Variants in GPBP1L1 observed in about 807,000 individuals in gnomAD.
The protein encoded by GPBP1L1 is vasculin-like protein 1.
GPBP1L1 carries 23 observed loss-of-function variants against 52.5 expected under a neutral mutation model. The observed-to-expected ratio is 0.44, with a 90% CI of 0.32 to 0.62. The LOEUF (loss-of-function observed/expected upper bound fraction) is 0.62, where lower values mean the gene tolerates loss of function less well. GPBP1L1 is among the 20% of genes least tolerant of loss of function. The pLI is 0.06. For synonymous variants in GPBP1L1, 243 were observed against 203.1 expected, an observed-to-expected ratio of 1.20 and a Z score of -1.67; for missense variants, 596 against 579.3, an observed-to-expected ratio of 1.03 and a Z score of -0.30.
chr1:45,654,023 A>G (rs768634615), intron 6 of GPBP1L1, among the ~76,000 whole-genome samples: 7 of 152,130 alleles, frequency 4.6e-5, no homozygotes, highest in Non-Finnish European at 7.3e-5. Context: ...TAAATAAAAT[A>G]TATTTAAAAC....
At chr1:45,645,017 GTTA>G (rs1557701651) in intron 6 of GPBP1L1, among the ~76,000 whole-genome samples, 3 of 152,200 alleles carry the variant, frequency 2.0e-5, no homozygotes, top group Admixed American at 1.3e-4. Flanking sequence ...AACCCTCGTC[GTTA>G]TTATTATTAA....
At chr1:45,680,602 T>C (rs981022419) in intron 2 of GPBP1L1, among the ~76,000 whole-genome samples, 1 of 152,246 alleles carries the variant, frequency 6.6e-6, no homozygotes, top group East Asian at 1.9e-4. Context: ...TCTTCTTAGA[T>C]GAGCTTCACT....
intron 5 of GPBP1L1, 28 bp from the exon 6 acceptor site, chr1:45,654,857 A>G (rs1644865289): frequency 6.3e-7 from 1 of 1,595,660 alleles, no homozygotes; most frequent in Non-Finnish European, 8.5e-7. Context: ...AGGACTAATT[A>G]GATTGTTTGC....
chr1:45,660,327 G>A lies in GPBP1L1; in HGVS notation c.-199C>T. 1 of 985,086 alleles carries A rather than the reference G, an allele frequency of 1.0e-6. No individual in the cohort carries two copies. The highest frequency in any genetic ancestry group is 1.1e-4 in the East Asian group (1 of 8,814). 61.0% of individuals were successfully genotyped at this position (985,086 alleles called of 1,614,324 possible). On this transcript the variant is annotated 5_prime_UTR_variant, in exon 3 of 13. Coordinates refer to ENST00000355105, the MANE Select transcript of GPBP1L1 (RefSeq NM_021639.5). Reference sequence around the variant, plus strand: ...GAAGCACGAAGAAGCCAGGTTCTGTGTCGATCACTCTCTCAGTCCCCTCAA... The same window carrying A: ...GAAGCACGAAGAAGCCAGGTTCTGTATCGATCACTCTCTCAGTCCCCTCAA...
chr1:45,662,871 T>A (rs1257058637), intron 2 of GPBP1L1, among the ~76,000 whole-genome samples: 2 of 151,678 alleles, frequency 1.3e-5, no homozygotes, highest in Non-Finnish European at 1.5e-5. Flanking sequence ...GCCAACATGG[T>A]GAAACCCCGT....
intron 6 of GPBP1L1, 99 bp from the exon 7 acceptor site, chr1:45,642,598 T>C: frequency 1.3e-6 from 1 of 796,668 alleles, no homozygotes; most frequent in Non-Finnish European, 2.2e-6. Flanking sequence ...AATAATTACA[T>C]ATTTTACATA....
chr1:45,634,128 C>G lies in GPBP1L1; in HGVS notation c.853G>C (p.Ala285Pro). 6.2e-7 allele frequency: 1 copy of G among 1,613,854 alleles called. No individual in the cohort carries two copies. The highest frequency in any genetic ancestry group is 8.5e-7 in the Non-Finnish European group (1 of 1,179,774). The change falls in exon 9 of 13, where the codon GCT becomes CCT. Residue 285 changes from alanine to proline, a missense_variant. Physicochemically the swap from Ala to Pro is conservative, Grantham distance 27 (BLOSUM62 -1). Coordinates refer to ENST00000355105, the MANE Select transcript of GPBP1L1 (RefSeq NM_021639.5). ...PISVTKPVVL[A>P]SGAALSSPKE... is the part of the protein sequence containing the mutation. The stretch of plus-strand genomic sequence containing the variant: ...GGAGAACTCAGAGCTGCACCACTAG[C>G]CAGTACCACTGGTTTGGTAACAGAG...
In GPBP1L1 at chr1:45,654,759, A is replaced by G. The variant is rs1335402168; in HGVS notation, c.261T>C (p.Ala87=). 2.5e-6 allele frequency: 4 copies of G among 1,614,150 alleles called. No individual in the cohort carries two copies. Among genetic ancestry groups the G allele is most frequent in the Non-Finnish European group, 3.4e-6 (4 of 1,180,026 alleles). The change falls in exon 6 of 13, where the codon GCT becomes GCC. Residue 87 remains alanine (A), a synonymous_variant. Transcript: ENST00000355105. ...AACCAGATGGGTTCCCTGTGATTCC[A>G]GCATATGCTCCCTTAGAGACACCAG... The part of the protein sequence containing the change: ...VDSGVSKGAY[A]GITGNPSGWH...
At chr1:45,687,396 G>A (rs1377523428), upstream of GPBP1L1, 1 of 152,306 alleles carries the variant, frequency 6.6e-6, no homozygotes, top group Non-Finnish European at 1.5e-5. Context: ...ATCCGGCACG[G>A]AAAGCTAAAC....
At chr1:45,652,912 T>C (rs1255547401) in intron 6 of GPBP1L1, among the ~76,000 whole-genome samples, 1 of 152,224 alleles carries the variant, frequency 6.6e-6, no homozygotes, top group Non-Finnish European at 1.5e-5. Flanking sequence ...CCACTGGTCT[T>C]TCTTGGATTT....
chr1:45,638,579 C>A (rs1644627059), intron 8 of GPBP1L1, among the ~76,000 whole-genome samples: 1 of 152,158 alleles, frequency 6.6e-6, no homozygotes, highest in Non-Finnish European at 1.5e-5. Flanking sequence ...CTTCCATCCT[C>A]TTCTCTTGTA....
chr1:45,645,132 A>AT (rs1644727265), intron 6 of GPBP1L1, among the ~76,000 whole-genome samples: 1 of 152,152 alleles, frequency 6.6e-6, no homozygotes, highest in African/African-American at 2.4e-5. Flanking sequence ...CTTCTTTGTT[A>AT]TCTAGTTTGA....
intron 2 of GPBP1L1, among the ~76,000 whole-genome samples, chr1:45,672,452 A>T (rs1645085342): frequency 6.6e-6 from 1 of 152,178 alleles, no homozygotes; most frequent in Admixed American, 6.5e-5. Context: ...AATTATATCC[A>T]GCAACCTTGC....
At chr1:45,640,544 T>C (rs1644659053) in intron 7 of GPBP1L1, 141 bp from the exon 8 acceptor site, 12 of 675,786 alleles carry the variant, frequency 1.8e-5, no homozygotes, top group South Asian at 1.1e-4. Context: ...ATGCACTTAA[T>C]AGATACTCTC....
At chr1:45,669,486 T>C (rs1645048947) in intron 2 of GPBP1L1, among the ~76,000 whole-genome samples, 1 of 152,200 alleles carries the variant, frequency 6.6e-6, no homozygotes, top group Non-Finnish European at 1.5e-5. Flanking sequence ...AATCTAAAAG[T>C]ATGCAGCATC....
At chr1:45,656,067 C>T (rs1644881292) in intron 4 of GPBP1L1, 1 of 152,120 alleles carries the variant, frequency 6.6e-6, no homozygotes, top group Admixed American at 6.6e-5. Context: ...CCACAGCTCC[C>T]AACTACTAGA....
intron 6 of GPBP1L1, among the ~76,000 whole-genome samples, chr1:45,646,637 G>A (rs1053337535): frequency 1.3e-5 from 2 of 151,378 alleles, no homozygotes; most frequent in East Asian, 3.9e-4. Context: ...CTCACTGCAA[G>A]CTCCACCTCC....
At position 45,633,406 on chromosome 1, in the gene GPBP1L1, T is replaced by C. The variant is rs1191068674; in HGVS notation, c.1044+83A>G. ...CTGTACATTTAAAAATCTTGCCACATCTTTATCCTTTAAGAAGAAGAAATC... is the reference window on the plus strand; with the variant it reads ...CTGTACATTTAAAAATCTTGCCACACCTTTATCCTTTAAGAAGAAGAAATC... On this transcript the variant is annotated intron_variant, in intron 10 of 12. Coordinates refer to ENST00000355105, the MANE Select transcript of GPBP1L1 (RefSeq NM_021639.5). 1.6e-5 allele frequency: 23 copies of C among 1,454,700 alleles called. No individual in the cohort carries two copies. In the Admixed American group the frequency reaches 4.0e-4, roughly 26 times the overall value. 90.1% of individuals were successfully genotyped at this position (1,454,700 alleles called of 1,614,324 possible).
intron 2 of GPBP1L1, among the ~76,000 whole-genome samples, chr1:45,683,979 CG>C (rs1367947794): frequency 6.6e-6 from 1 of 151,220 alleles, no homozygotes. Flanking sequence ...ACAAGCCGGG[CG>C]GGGGCGGTGG....
Sources: allele counts gnomAD v4.1 joint callset (sites outside exome capture counted in the v4.1 genomes callset), GRCh38; gene constraint gnomAD v4.1.1; transcripts MANE v1.5; gene names NCBI Gene and HGNC (gene_info 2026-07-23, HGNC 2026-07-21).